The following ELF1 variants were observed in gnomAD, a reference collection of about 807,000 sequenced individuals.
ELF1 encodes ETS-related transcription factor Elf-1.
A neutral mutation model predicts 59.9 loss-of-function variants in ELF1; 24 were observed. The observed-to-expected ratio is 0.40, with a 90% CI of 0.29 to 0.56. The LOEUF is 0.56. ELF1 is among the 20% of genes least tolerant of loss of function. ELF1 has a pLI of 0.44. For missense variants in ELF1, 627 were observed against 742.2 expected (o/e 0.84, Z 1.80); for synonymous variants, 248 against 266.2 (o/e 0.93, Z 0.67).
chr13:40,990,777 G>A (rs374225060), intron 1 of ELF1, among the ~76,000 whole-genome samples: 26 of 151,184 alleles, frequency 1.7e-4, no homozygotes, highest in East Asian at 1.2e-3. Context: ...GCTTGAACCC[G>A]GGAGACGGAG....
At chr13:41,024,683 G>C (rs1378911236) in intron 1 of ELF1, among the ~76,000 whole-genome samples, 1 of 151,936 alleles carries the variant, frequency 6.6e-6, no homozygotes, top group Non-Finnish European at 1.5e-5. Flanking sequence ...GGCCACCATT[G>C]CTGTGTTTCT....
At chr13:41,045,887 T>C (rs1666145666) in intron 1 of ELF1, among the ~76,000 whole-genome samples, 1 of 152,204 alleles carries the variant, frequency 6.6e-6, no homozygotes, top group Non-Finnish European at 1.5e-5. Context: ...AGTGGGGTGC[T>C]AAAGTCTCCC....
chr13:41,027,843 T>C (rs1875999533), intron 1 of ELF1, among the ~76,000 whole-genome samples: 1 of 152,210 alleles, frequency 6.6e-6, no homozygotes, highest in Non-Finnish European at 1.5e-5. Context: ...AGCAGCTAGC[T>C]TGACAGGATG....
At chr13:40,961,278 C>T (rs1444699480) in intron 2 of ELF1, among the ~76,000 whole-genome samples, 2 of 152,136 alleles carry the variant, frequency 1.3e-5, no homozygotes, top group African/African-American at 2.4e-5. Context: ...ACATTTGGAT[C>T]GTTTTATTTC....
chr13:41,020,182 T>G (rs1875634237), upstream of ELF1, among the ~76,000 whole-genome samples: 4 of 152,204 alleles, frequency 2.6e-5, no homozygotes, highest in Admixed American at 2.0e-4. Context: ...CCAGTGAAGC[T>G]CTGCCTTCCA....
intron 1 of ELF1, among the ~76,000 whole-genome samples, chr13:41,031,279 C>T (rs1038648129): frequency 6.6e-6 from 1 of 152,032 alleles, no homozygotes; most frequent in Non-Finnish European, 1.5e-5. Flanking sequence ...ACTGATTAAC[C>T]AGTAATGTAC....
At position 41,000,237 on chromosome 13, in the gene ELF1, C is replaced by CTTTT. The variant is rs55938711; in HGVS notation, c.-228-17959_-228-17956dup. ...CCAAATGAGGCTGCATTGAACCTGG[C>CTTTT]TTTTTTTTTTTTTTTTTTTTTTTTT... On this transcript the variant is annotated intron_variant, in intron 1 of 8. Transcript: ENST00000239882. Among the ~76,000 whole-genome samples the CTTTT allele has an allele frequency of 2.0e-4, 11 of 54,752 alleles. 1 individual carries two copies. Among genetic ancestry groups the CTTTT allele is most frequent in the Non-Finnish European group, 1.9e-4 (6 of 32,146 alleles). 35.9% of individuals were successfully genotyped at this position (54,752 alleles called of 152,430 possible).
At chr13:41,060,638 A>G (rs1593419738) in intron 1 of ELF1, among the ~76,000 whole-genome samples, 1 of 152,164 alleles carries the variant, frequency 6.6e-6, no homozygotes, top group Admixed American at 6.5e-5. Flanking sequence ...ATTTTCTACA[A>G]ACTCACCCAG....
chr13:40,989,294 G>A (rs1019373120), intron 1 of ELF1, among the ~76,000 whole-genome samples: 1 of 152,010 alleles, frequency 6.6e-6, no homozygotes, highest in African/African-American at 2.4e-5. Context: ...AAGTTGAAGG[G>A]AAAAAACACA....
At chr13:41,038,066 T>TA (rs4053825) in intron 1 of ELF1, among the ~76,000 whole-genome samples, 55,391 of 126,480 alleles carry the variant, frequency 0.44, 11,695 homozygotes, top group South Asian at 0.55. Flanking sequence ...GAAGAAACCT[T>TA]AAAAAAAAAA....
chr13:40,950,011 GTAT>G (rs1343813288), intron 4 of ELF1, 38 bp from the exon 5 acceptor site: 1 of 1,487,026 alleles, frequency 6.7e-7, no homozygotes, highest in Admixed American at 2.2e-5. Flanking sequence ...AGTCCACTGT[GTAT>G]TATAAGTTAA....
chr13:40,993,158 T>C (rs909877015), intron 1 of ELF1: 69 of 1,520,768 alleles, frequency 4.5e-5, no homozygotes, highest in Non-Finnish European at 5.9e-5. Flanking sequence ...TCTCCATTTT[T>C]GTAGTGTGTG....
At chr13:40,936,652 T>C (rs943865530) in intron 8 of ELF1, among the ~76,000 whole-genome samples, 12 of 144,578 alleles carry the variant, frequency 8.3e-5, no homozygotes, top group Non-Finnish European at 1.5e-4. Context: ...TCCCAGCTGC[T>C]GGGGAGGCTG....
chr13:40,963,348 G>A (rs1871964671), intron 2 of ELF1, among the ~76,000 whole-genome samples: 1 of 152,162 alleles, frequency 6.6e-6, no homozygotes, highest in Admixed American at 6.5e-5. Flanking sequence ...TTATTTCCAA[G>A]GCTTCACCAA....
At chr13:41,017,128 G>T (rs749208372) in intron 1 of ELF1, among the ~76,000 whole-genome samples, 1 of 150,990 alleles carries the variant, frequency 6.6e-6, no homozygotes, top group African/African-American at 2.4e-5. Flanking sequence ...AAAAGTTGTT[G>T]TAGAAATAAA....
chr13:40,973,280 C>T (rs1227181203), intron 2 of ELF1, among the ~76,000 whole-genome samples: 6 of 152,108 alleles, frequency 3.9e-5, no homozygotes, highest in Non-Finnish European at 7.4e-5. Context: ...GGTCAGCTTA[C>T]AAATGTTTTA....
intron 3 of ELF1, among the ~76,000 whole-genome samples, chr13:40,955,142 G>A (rs1378781695): frequency 1.5e-4 from 23 of 149,606 alleles, no homozygotes; most frequent in African/African-American, 5.2e-4. Flanking sequence ...CAACCGCCGC[G>A]TCTGAGAAGT....
At chr13:40,934,201 A>C (rs979437423) in intron 8 of ELF1, among the ~76,000 whole-genome samples, 173 bp from the exon 9 acceptor site, 1 of 152,176 alleles carries the variant, frequency 6.6e-6, no homozygotes, top group Non-Finnish European at 1.5e-5. Context: ...TAAACACTAC[A>C]TACAGAGATG....
intron 2 of ELF1, among the ~76,000 whole-genome samples, chr13:40,965,534 A>C (rs1420772652): frequency 3.3e-5 from 5 of 152,036 alleles, no homozygotes; most frequent in Non-Finnish European, 7.4e-5. Flanking sequence ...GAGGCATGAG[A>C]AGCTTGAATC....
Sources: allele counts gnomAD v4.1 joint callset (sites outside exome capture counted in the v4.1 genomes callset), GRCh38; gene constraint gnomAD v4.1.1; transcripts MANE v1.5; gene names NCBI Gene and HGNC (gene_info 2026-07-23, HGNC 2026-07-21).